The following MED12L variants were observed in gnomAD, a reference collection of about 807,000 sequenced individuals.
MED12L encodes the protein mediator complex subunit 12L.
A neutral mutation model predicts 281.3 loss-of-function variants in MED12L; 60 were observed. The observed-to-expected ratio is 0.21, with a 90% CI of 0.17 to 0.26. The LOEUF (loss-of-function observed/expected upper bound fraction) is 0.26, where lower values mean the gene tolerates loss of function less well. Among genes scored for constraint, MED12L ranks in the 10% least tolerant of loss-of-function variants. The probability of loss-of-function intolerance (pLI) is 1.00; values close to 1 mark genes in which losing one functional copy is unlikely to be tolerated. For missense variants in MED12L, 2,146 were observed against 2,680.9 expected (o/e 0.80, Z 4.41); for synonymous variants, 974 against 987.2 (o/e 0.99, Z 0.25).
chr3:151,431,612 T>C (rs1350509848), intron 44 of MED12L, among the ~76,000 whole-genome samples: 2 of 152,216 alleles, frequency 1.3e-5, no homozygotes, highest in African/African-American at 4.8e-5. Flanking sequence ...GTTTCACTAA[T>C]TCCAGAATCC....
intron 25 of MED12L, among the ~76,000 whole-genome samples, chr3:151,368,491 C>T (rs867556369): frequency 6.6e-6 from 1 of 152,086 alleles, no homozygotes; most frequent in Non-Finnish European, 1.5e-5. Context: ...AATACCTCTG[C>T]TCTTAGGCCA....
chr3:151,141,991 T>C (rs1489117023), intron 5 of MED12L, among the ~76,000 whole-genome samples: 1 of 152,222 alleles, frequency 6.6e-6, no homozygotes, highest in Admixed American at 6.5e-5. Flanking sequence ...AAATCATGGT[T>C]CCCTACCCTC....
At chr3:151,325,285 C>T (rs139572392) in intron 16 of MED12L, among the ~76,000 whole-genome samples, 74 of 152,284 alleles carry the variant, frequency 4.9e-4, no homozygotes, top group African/African-American at 1.7e-3. Flanking sequence ...AACTTCACTC[C>T]CTTCAACCCC....
At position 151,377,054 on chromosome 3, in the gene MED12L, G is replaced by A; in HGVS notation, c.4192G>A (p.Val1398Ile). The change falls in exon 30 of 45, where the codon GTA becomes ATA. Residue 1398 changes from valine to isoleucine, a missense_variant. Around this residue, in one of 9 missense-constraint regions of MED12L, gnomAD observed 235 missense variants for 260.3 expected, o/e 0.90. Transcript: ENST00000687756. ...CAATATTGCAAAGGCAACAATAGAG[G>A]TATTCCAGCAGTCTGCAGACCTAAA... The part of the protein sequence containing the change: ...LDNIAKATIE[V>I]FQQSADLNNS... The A allele has an allele frequency of 6.2e-7, 1 of 1,614,088 alleles. No homozygotes were observed.
Position 151,122,795 on chromosome 3 carries a change from T to C in MED12L, c.217T>C (p.Phe73Leu). 6.2e-7 allele frequency: 1 copy of C among 1,601,024 alleles called. No homozygotes were observed. Among genetic ancestry groups the C allele is most frequent in the Non-Finnish European group, 8.5e-7 (1 of 1,174,316 alleles). Residue 73 changes from phenylalanine (F) to leucine (L), a missense_variant, in exon 4 of 45, where the codon TTT (phenylalanine) becomes CTT (leucine). This residue lies in a region of MED12L where 722 missense variants were observed against 861.2 expected (regional missense o/e 0.84). Transcript: ENST00000687756. ...VINPSKIGAY[F>L]SSILAEKLKL... ...CTTCTTTCCACAGATTGGAGCTTAT[T>C]TTAGCAGCATATTAGCTGAGAAACT...
chr3:151,213,611 A>G (rs751657720), intron 16 of MED12L: 3 of 1,614,092 alleles, frequency 1.9e-6, no homozygotes, highest in Non-Finnish European at 2.5e-6. Context: ...ACGATGCTGA[A>G]TATGTTGCGG....
chr3:151,120,095 G>A (rs1380887704), intron 3 of MED12L, among the ~76,000 whole-genome samples: 9 of 150,590 alleles, frequency 6.0e-5, no homozygotes, highest in South Asian at 2.1e-4. Flanking sequence ...TGTGGTGGTC[G>A]GCACCCATAA....
At chr3:151,153,766 G>A (rs1475624106) in intron 5 of MED12L, among the ~76,000 whole-genome samples, 5 of 151,608 alleles carry the variant, frequency 3.3e-5, no homozygotes, top group Admixed American at 2.0e-4. Flanking sequence ...ACGGGGTTTC[G>A]CCATGTTGGC....
At chr3:151,260,330 A>G (rs981085194) in intron 16 of MED12L, among the ~76,000 whole-genome samples, 3 of 152,106 alleles carry the variant, frequency 2.0e-5, no homozygotes, top group African/African-American at 7.2e-5. Flanking sequence ...GTCTACTAAT[A>G]TCTTTTAAAA....
At chr3:151,111,938 C>G (rs894139663) in intron 2 of MED12L, among the ~76,000 whole-genome samples, 3 of 152,104 alleles carry the variant, frequency 2.0e-5, no homozygotes, top group Admixed American at 6.5e-5. Context: ...CCTGTGTCCC[C>G]TGCACTTTCA....
chr3:151,223,378 G>C (rs1236090477), intron 16 of MED12L, among the ~76,000 whole-genome samples: 1 of 152,056 alleles, frequency 6.6e-6, no homozygotes, highest in African/African-American at 2.4e-5. Flanking sequence ...TTACCAAAAA[G>C]ACACCTTCAT....
In MED12L at chr3:151,384,767, G is replaced by A. The variant is rs899897614; in HGVS notation, c.4927-263G>A. The A allele has an allele frequency of 2.2e-5, 8 of 365,096 alleles. No individual in the cohort carries two copies. The East Asian group carries it at 3.3e-4, about 15-fold the overall frequency. The allele number at this position is 365,096 out of a possible 1,614,324, so 22.6% of individuals were successfully genotyped here. ...TCTTCTGATTGTGATCACTACCCTG[G>A]ATTTTTGTCATTTCAGCACTATGAT... On this transcript the variant is annotated intron_variant, in intron 35 of 44. Transcript: ENST00000687756.
At chr3:151,285,792 G>A (rs904621386) in intron 16 of MED12L, among the ~76,000 whole-genome samples, 1 of 152,154 alleles carries the variant, frequency 6.6e-6, no homozygotes, top group Admixed American at 6.5e-5. Flanking sequence ...TAGAGCCCTT[G>A]TGAATGGGAT....
chr3:151,132,129 A>G (rs1456724202), intron 5 of MED12L, among the ~76,000 whole-genome samples: 1 of 152,220 alleles, frequency 6.6e-6, no homozygotes, highest in Admixed American at 6.5e-5. Context: ...TTGAACTAAG[A>G]CAGGCCAAAG....
chr3:151,336,510 T>G (rs1412257755), intron 16 of MED12L: 2 of 456,444 alleles, frequency 4.4e-6, no homozygotes, highest in Non-Finnish European at 8.8e-6. Flanking sequence ...TATTTAGGTA[T>G]TGATGTCTGT....
At chr3:151,272,594 T>C (rs935117262) in intron 16 of MED12L, among the ~76,000 whole-genome samples, 1 of 152,174 alleles carries the variant, frequency 6.6e-6, no homozygotes, top group Non-Finnish European at 1.5e-5. Flanking sequence ...AAGTGCATAC[T>C]CGGGAAAGGT....
At chr3:151,247,962 C>CTTCTTT (rs1314747790) in intron 16 of MED12L, among the ~76,000 whole-genome samples, 1 of 75,902 alleles carries the variant, frequency 1.3e-5, no homozygotes, top group African/African-American at 5.3e-5. Flanking sequence ...TCTTCTTCTT[C>CTTCTTT]TTTTTTTTTT....
In MED12L at chr3:151,337,962, G is replaced by A. The variant is rs564568226; in HGVS notation, c.2251-12097G>A. 14 of 1,614,056 alleles carry A rather than the reference G, an allele frequency of 8.7e-6. No individual in the cohort carries two copies. Among genetic ancestry groups the A allele is most frequent in the African/African-American group, 4.0e-5 (3 of 75,018 alleles). ...CTTGCAAAGGAAAAAATAGATGAAC[G>A]GATCCAGGCATGCATTTAAGGAAGT... On this transcript the variant is annotated intron_variant, in intron 16 of 44. Transcript: ENST00000687756.
intron 16 of MED12L, among the ~76,000 whole-genome samples, chr3:151,280,234 A>AG (rs1362218286): frequency 6.6e-6 from 1 of 152,178 alleles, no homozygotes; most frequent in African/African-American, 2.4e-5. Flanking sequence ...GGGCCCACCC[A>AG]GGGGGACAGT....
Sources: gnomAD v4.1 joint callset for allele counts (sites outside exome capture counted in the v4.1 genomes callset) on GRCh38, gnomAD v4.1.1 for gene constraint, gnomAD v4.1.1 regional missense constraint, MANE v1.5 for transcripts, NCBI Gene and HGNC (gene_info 2026-07-23, HGNC 2026-07-21) for gene names.